The following KLF12 variants were observed in gnomAD, a reference collection of about 807,000 sequenced individuals.
KLF12 encodes Krueppel-like factor 12.
A neutral mutation model predicts 37.8 loss-of-function variants in KLF12; 9 were observed. The observed-to-expected ratio is 0.24, with a 90% CI of 0.14 to 0.42. The LOEUF (loss-of-function observed/expected upper bound fraction) is 0.42. Among genes scored for constraint, KLF12 ranks in the 10% least tolerant of loss-of-function variants. KLF12 has a pLI of 1.00. For synonymous variants in KLF12, 208 were observed against 202.1 expected, an observed-to-expected ratio of 1.03 and a Z score of -0.25; for missense variants, 411 against 516.0, an observed-to-expected ratio of 0.80 and a Z score of 1.97.
chr13:74,229,933 G>C, the KLF12 span, among the ~76,000 whole-genome samples: 1 of 152,216 alleles, frequency 6.6e-6, no homozygotes, highest in Non-Finnish European at 1.5e-5. Flanking sequence ...AATGGAAAGA[G>C]GGAGAGATTC....
chr13:74,082,381 T>G (rs1399896828), intron 1 of KLF12, among the ~76,000 whole-genome samples: 3 of 152,206 alleles, frequency 2.0e-5, no homozygotes, highest in Admixed American at 6.5e-5. Context: ...GCTTGAGCTT[T>G]CATAGCTACT....
At chr13:73,965,012 G>A (rs543746766) in intron 2 of KLF12, among the ~76,000 whole-genome samples, 2 of 152,094 alleles carry the variant, frequency 1.3e-5, no homozygotes, top group Non-Finnish European at 2.9e-5. Context: ...ATTGCATACC[G>A]GGGTAAGCAG....
chr13:73,782,537 C>A (rs1881030534), intron 5 of KLF12, among the ~76,000 whole-genome samples: 2 of 152,146 alleles, frequency 1.3e-5, no homozygotes, highest in African/African-American at 4.8e-5. Flanking sequence ...TGTTTAAATG[C>A]TTAATTTTAA....
At chr13:74,152,584 CAAT>C in the KLF12 span, among the ~76,000 whole-genome samples, 1 of 151,920 alleles carries the variant, frequency 6.6e-6, no homozygotes, top group African/African-American at 2.4e-5. Flanking sequence ...TCTACATAAA[CAAT>C]AATTTAAAAA....
intron 6 of KLF12, among the ~76,000 whole-genome samples, chr13:73,735,352 T>C (rs1172829118): frequency 2.0e-5 from 3 of 152,146 alleles, no homozygotes; most frequent in Non-Finnish European, 2.9e-5. Context: ...TTTATCTACA[T>C]GTAATTTAAA....
chr13:74,136,271 G>A (rs1393189474), upstream of KLF12, among the ~76,000 whole-genome samples: 1 of 152,168 alleles, frequency 6.6e-6, no homozygotes, highest in African/African-American at 2.4e-5. Context: ...CTCTGTTCCG[G>A]GGAATGCAGC....
At chr13:74,182,840 C>CTT in the KLF12 span, among the ~76,000 whole-genome samples, 2 of 148,104 alleles carry the variant, frequency 1.4e-5, no homozygotes, top group Non-Finnish European at 3.0e-5. Flanking sequence ...ATACTTTAGC[C>CTT]TTTTTTTTTT....
intron 4 of KLF12, among the ~76,000 whole-genome samples, chr13:73,837,232 T>C (rs1884481720): frequency 6.6e-6 from 1 of 152,188 alleles, no homozygotes; most frequent in Admixed American, 6.5e-5. Flanking sequence ...ATGAGGAGCT[T>C]AGAGTTTTCT....
At chr13:73,892,776 T>C (rs1242206413) in intron 3 of KLF12, among the ~76,000 whole-genome samples, 1 of 152,214 alleles carries the variant, frequency 6.6e-6, no homozygotes, top group African/African-American at 2.4e-5. Context: ...ATGCAATTTG[T>C]GTATTCGTAG....
chr13:73,796,318 C>G (rs1229881870), intron 5 of KLF12, among the ~76,000 whole-genome samples: 1 of 152,146 alleles, frequency 6.6e-6, no homozygotes, highest in Non-Finnish European at 1.5e-5. Flanking sequence ...TATATCCTGG[C>G]TTGTTTGTCC....
At chr13:74,179,858 C>G in the KLF12 span, among the ~76,000 whole-genome samples, 1 of 152,140 alleles carries the variant, frequency 6.6e-6, no homozygotes, top group African/African-American at 2.4e-5. Context: ...CAAAGAGTCC[C>G]CCAATCGACA....
At chr13:74,005,371 T>C (rs1473642991) in intron 1 of KLF12, among the ~76,000 whole-genome samples, 2 of 152,188 alleles carry the variant, frequency 1.3e-5, no homozygotes, top group Admixed American at 6.5e-5. Context: ...TACATAATTA[T>C]ACATAAATAA....
intron 4 of KLF12, among the ~76,000 whole-genome samples, chr13:73,838,151 T>TA (rs34870216): frequency 0.2 from 30,935 of 152,094 alleles, 3,840 homozygotes; most frequent in East Asian, 0.5. Context: ...GGACAGAACC[T>TA]AGGTCACAAT....
intron 1 of KLF12, among the ~76,000 whole-genome samples, chr13:74,122,140 A>G (rs1877666287): frequency 6.6e-6 from 1 of 152,098 alleles, no homozygotes. Context: ...TTGAACAGGC[A>G]AGAGATAAAA....
intron 1 of KLF12, among the ~76,000 whole-genome samples, chr13:74,095,391 T>G (rs1330993040): frequency 1.0e-5 from 1 of 95,422 alleles, no homozygotes. Context: ...TTTTATCGTA[T>G]TTTTTTTTCC....
chr13:73,827,723 C>T (rs141966541), intron 4 of KLF12, among the ~76,000 whole-genome samples: 2,431 of 152,154 alleles, frequency 0.016, 32 homozygotes, highest in Non-Finnish European at 0.025. Context: ...TCACCATGCT[C>T]GGCTAATTTT....
chr13:73,847,193 T>C (rs1885076851), intron 3 of KLF12, among the ~76,000 whole-genome samples: 5 of 152,130 alleles, frequency 3.3e-5, no homozygotes, highest in Admixed American at 3.3e-4. Flanking sequence ...TTATGAAATG[T>C]CTGCTTGCAA....
chr13:74,047,435 C>A (rs1325034328), intron 1 of KLF12, among the ~76,000 whole-genome samples: 3 of 146,122 alleles, frequency 2.1e-5, no homozygotes. Context: ...ACTAAAAATA[C>A]AAAAAAAAAA....
chr13:73,955,124 AT>A (rs1890792731), intron 2 of KLF12, among the ~76,000 whole-genome samples: 1 of 152,210 alleles, frequency 6.6e-6, no homozygotes, highest in African/African-American at 2.4e-5. Context: ...CAAAGAGGCA[AT>A]GTATATAAAC....
Sources: allele counts gnomAD v4.1 joint callset (sites outside exome capture counted in the v4.1 genomes callset), GRCh38; gene constraint gnomAD v4.1.1; transcripts MANE v1.5; gene names NCBI Gene and HGNC (gene_info 2026-07-23, HGNC 2026-07-21).